The following MACROD2 variants were observed in gnomAD, a reference collection of about 807,000 sequenced individuals.
MACROD2 encodes the protein mono-ADP ribosylhydrolase 2.
In MACROD2, 36 loss-of-function variants were observed where a neutral mutation model predicts 70.4. The ratio of observed to expected loss-of-function variants is 0.51; its 90% CI spans 0.39 to 0.68. MACROD2 has a LOEUF of 0.68. Ranked by LOEUF, MACROD2 falls within the 30% of genes least tolerant of loss-of-function variation. The pLI is 0.00. For missense variants in MACROD2, 496 were observed against 538.4 expected, an observed-to-expected ratio of 0.92 and a Z score of 0.78; for synonymous variants, 172 against 178.8, an observed-to-expected ratio of 0.96 and a Z score of 0.30.
At chr20:14,626,269 A>T (rs1984152963) in intron 4 of MACROD2, among the ~76,000 whole-genome samples, 1 of 152,042 alleles carries the variant, frequency 6.6e-6, no homozygotes, top group African/African-American at 2.4e-5. Flanking sequence ...AGCCTGAGAA[A>T]CCCATGGCAC....
chr20:14,448,912 G>A (rs1182734315), intron 3 of MACROD2, among the ~76,000 whole-genome samples: 1 of 152,036 alleles, frequency 6.6e-6, no homozygotes, highest in African/African-American at 2.4e-5. Flanking sequence ...ATGGAGTATT[G>A]TATAACTCAT....
Position 15,593,108 on chromosome 20 carries a change from A to T in MACROD2, c.645+93261A>T, listed in dbSNP as rs535137716. ...GTGTGGCGGTCCCTGGTATCCTAGGAGTAATTACTCTGACATTCTTTATCA... is the reference window on the plus strand; with the variant it reads ...GTGTGGCGGTCCCTGGTATCCTAGGTGTAATTACTCTGACATTCTTTATCA... On this transcript the variant is annotated intron_variant, in intron 8 of 17. Transcript: ENST00000684519. Among the ~76,000 whole-genome samples, 4 of 152,308 alleles carry T rather than the reference A, an allele frequency of 2.6e-5. No homozygotes were observed. The East Asian group carries it at 5.8e-4, about 22-fold the overall frequency.
rs73619826 is a variant in MACROD2, at chr20:14,250,983, A to AT, written c.271+165258dup. ...AGCAAATACTGTGACTAAAATTAAT[A>AT]TTTATTACCTAACTGGAAAATAATA... On this transcript the variant is annotated intron_variant, in intron 3 of 17. Transcript: ENST00000684519. Among the ~76,000 whole-genome samples the AT allele has an allele frequency of 1.5e-3, 224 of 152,270 alleles. 5 individuals carry two copies. The East Asian group carries it at 0.037, about 25-fold the overall frequency.
intron 7 of MACROD2, among the ~76,000 whole-genome samples, chr20:15,444,286 T>C (rs1167514014): frequency 6.6e-6 from 1 of 152,208 alleles, no homozygotes; most frequent in African/African-American, 2.4e-5. Context: ...ATGTTCCACA[T>C]TTTGTCTGTT....
intron 2 of MACROD2, among the ~76,000 whole-genome samples, chr20:14,038,424 T>C (rs1395969027): frequency 6.6e-6 from 1 of 152,240 alleles, no homozygotes; most frequent in African/African-American, 2.4e-5. Context: ...TTATTATTTC[T>C]TTTTACAAAT....
At chr20:15,301,216 T>G (rs1321421313) in intron 6 of MACROD2, among the ~76,000 whole-genome samples, 1 of 152,114 alleles carries the variant, frequency 6.6e-6, no homozygotes, top group East Asian at 1.9e-4. Flanking sequence ...GGGGGCACAG[T>G]GGAAATGTAG....
chr20:14,924,937 G>T (rs537195726), intron 5 of MACROD2, among the ~76,000 whole-genome samples: 194 of 152,086 alleles, frequency 1.3e-3, no homozygotes, highest in African/African-American at 4.3e-3. Context: ...TTTTATTCCC[G>T]ATTGCCTTGC....
At chr20:15,500,422 C>T (rs376116794) in intron 8 of MACROD2, among the ~76,000 whole-genome samples, 14 of 152,184 alleles carry the variant, frequency 9.2e-5, no homozygotes, top group African/African-American at 2.9e-4. Context: ...CTTTGTGATA[C>T]GTTTAGTGAT....
intron 2 of MACROD2, among the ~76,000 whole-genome samples, chr20:14,038,592 T>C (rs2053349657): frequency 6.6e-6 from 1 of 152,198 alleles, no homozygotes; most frequent in African/African-American, 2.4e-5. Flanking sequence ...TTATGCGTTA[T>C]GTCTTTACTA....
At chr20:15,188,379 C>G (rs969909198) in intron 5 of MACROD2, among the ~76,000 whole-genome samples, 2 of 152,188 alleles carry the variant, frequency 1.3e-5, no homozygotes, top group East Asian at 3.9e-4. Context: ...GTTCAAACCT[C>G]TGTATCTCCA....
chr20:14,718,056 A>G (rs905734159), intron 5 of MACROD2, among the ~76,000 whole-genome samples: 3 of 152,044 alleles, frequency 2.0e-5, no homozygotes, highest in Non-Finnish European at 4.4e-5. Context: ...GCACTTTGTG[A>G]GCCCAAGGTG....
At chr20:15,379,931 A>G (rs1313602831) in intron 6 of MACROD2, among the ~76,000 whole-genome samples, 7 of 151,884 alleles carry the variant, frequency 4.6e-5, no homozygotes, top group African/African-American at 1.7e-4. Flanking sequence ...TGTGAACCTA[A>G]CTTTCTGATT....
chr20:15,418,525 G>A (rs1194790217), intron 6 of MACROD2, among the ~76,000 whole-genome samples: 1 of 152,198 alleles, frequency 6.6e-6, no homozygotes, highest in Non-Finnish European at 1.5e-5. Flanking sequence ...GAGACCGTCT[G>A]TGTTGCTTTG....
chr20:15,367,902 A>AT (rs1266569757), intron 6 of MACROD2, among the ~76,000 whole-genome samples: 6 of 152,104 alleles, frequency 3.9e-5, no homozygotes, highest in African/African-American at 1.4e-4. Context: ...TATTTTATAT[A>AT]TTTTTTTCAA....
At chr20:15,632,216 A>C (rs1321563176) in intron 8 of MACROD2, among the ~76,000 whole-genome samples, 1 of 151,776 alleles carries the variant, frequency 6.6e-6, no homozygotes, top group East Asian at 1.9e-4. Flanking sequence ...AAATAAAATA[A>C]ATAAAAAGAG....
intron 2 of MACROD2, among the ~76,000 whole-genome samples, chr20:14,040,622 A>AAG (rs1177266179): frequency 6.6e-6 from 1 of 152,168 alleles, no homozygotes; most frequent in Non-Finnish European, 1.5e-5. Context: ...AAGTTGCTCT[A>AAG]AGTGAGTGAG....
At chr20:15,832,520 G>A (rs543131070) in intron 8 of MACROD2, among the ~76,000 whole-genome samples, 1 of 152,290 alleles carries the variant, frequency 6.6e-6, no homozygotes, top group East Asian at 1.9e-4. Context: ...ATGTAGACTG[G>A]AACTTCAGAA....
chr20:14,945,256 T>G (rs952110522), intron 5 of MACROD2, among the ~76,000 whole-genome samples: 2 of 152,006 alleles, frequency 1.3e-5, no homozygotes, highest in African/African-American at 4.8e-5. Flanking sequence ...TAGCTGGGAT[T>G]TAATAGAGCT....
intron 8 of MACROD2, among the ~76,000 whole-genome samples, chr20:15,767,977 C>A (rs2051554728): frequency 6.6e-6 from 1 of 151,674 alleles, no homozygotes; most frequent in South Asian, 2.1e-4. Context: ...AAGTCTATGA[C>A]CAACCATTAT....
Sources: allele counts gnomAD v4.1 joint callset (sites outside exome capture counted in the v4.1 genomes callset), GRCh38; gene constraint gnomAD v4.1.1; transcripts MANE v1.5; gene names NCBI Gene and HGNC (gene_info 2026-07-23, HGNC 2026-07-21).